The following MAPKAP1 variants were observed in gnomAD, a reference collection of about 807,000 sequenced individuals.
MAPKAP1 encodes target of rapamycin complex 2 subunit MAPKAP1.
Under a neutral mutation model 65.7 loss-of-function variants are expected in MAPKAP1, and 20 were observed. The observed-to-expected ratio is 0.30, with a 90% CI of 0.21 to 0.44. The LOEUF (loss-of-function observed/expected upper bound fraction) is 0.44. Ranked by LOEUF, MAPKAP1 falls within the 20% of genes least tolerant of loss-of-function variation. The pLI is 1.00. For synonymous variants in MAPKAP1, 222 were observed against 244.3 expected (o/e 0.91, Z 0.85); for missense variants, 423 against 648.0 (o/e 0.65, Z 3.77).
chr9:125,581,026 G>A (rs1308794957), intron 5 of MAPKAP1, among the ~76,000 whole-genome samples: 1 of 152,238 alleles, frequency 6.6e-6, no homozygotes, highest in Non-Finnish European at 1.5e-5. Context: ...GTCACTGCAT[G>A]TATGAAAACG....
chr9:125,671,719 T>G (rs16928396), intron 2 of MAPKAP1, among the ~76,000 whole-genome samples: 3,969 of 152,240 alleles, frequency 0.026, 179 homozygotes, highest in African/African-American at 0.091. Flanking sequence ...TTGAGTGTTT[T>G]CAAGCCAGAA....
intron 4 of MAPKAP1, chr9:125,650,485 C>A (rs2131735147): frequency 6.6e-6 from 1 of 152,380 alleles, no homozygotes; most frequent in African/African-American, 2.4e-5. Context: ...CCTTCTGTTC[C>A]TTTCTCCTCC....
chr9:125,609,993 A>G (rs1320466610), intron 4 of MAPKAP1, among the ~76,000 whole-genome samples: 1 of 152,230 alleles, frequency 6.6e-6, no homozygotes, highest in Non-Finnish European at 1.5e-5. Flanking sequence ...AGCCAGTAAG[A>G]TAACTCAGAT....
intron 5 of MAPKAP1, among the ~76,000 whole-genome samples, chr9:125,570,471 T>A (rs1160320511): frequency 6.6e-6 from 1 of 152,226 alleles, no homozygotes; most frequent in African/African-American, 2.4e-5. Flanking sequence ...GAGTCAGACC[T>A]TATCTGCACT....
At chr9:125,559,556 A>T in intron 6 of MAPKAP1, 77 bp downstream of exon 6, 1 of 1,432,016 alleles carries the variant, frequency 7.0e-7, no homozygotes, top group Non-Finnish European at 9.5e-7. Context: ...TTATTTGATG[A>T]ACAAAACCAA....
chr9:125,569,830 T>A (rs928902573), intron 5 of MAPKAP1, among the ~76,000 whole-genome samples: 2 of 152,262 alleles, frequency 1.3e-5, no homozygotes, highest in African/African-American at 4.8e-5. Flanking sequence ...AATGCTTATA[T>A]AAAAGAGCTC....
chr9:125,693,742 T>C (rs1475608580), intron 1 of MAPKAP1, among the ~76,000 whole-genome samples: 1 of 126,492 alleles, frequency 7.9e-6, no homozygotes, highest in Non-Finnish European at 1.5e-5. Context: ...TATATACACG[T>C]ATATATACAC....
At chr9:125,702,262 CAGTGGCTCACGCCTGT>C (rs1483936057) in intron 1 of MAPKAP1, among the ~76,000 whole-genome samples, 1 of 152,138 alleles carries the variant, frequency 6.6e-6, no homozygotes, top group Non-Finnish European at 1.5e-5. Flanking sequence ...AGGCCGGGCG[CAGTGGCTCACGCCTGT>C]AGTCCCAGCA....
intron 6 of MAPKAP1, among the ~76,000 whole-genome samples, chr9:125,547,560 T>A (rs929255710): frequency 1.3e-5 from 2 of 152,124 alleles, no homozygotes; most frequent in African/African-American, 4.8e-5. Flanking sequence ...CGACGTTAGT[T>A]CTCTTTTGTT....
At chr9:125,498,931 T>G (rs530382129) in intron 8 of MAPKAP1, among the ~76,000 whole-genome samples, 2 of 152,236 alleles carry the variant, frequency 1.3e-5, no homozygotes, top group Non-Finnish European at 2.9e-5. Context: ...GTGCCCCATC[T>G]GCTCTACCAG....
At position 125,620,482 on chromosome 9, in the gene MAPKAP1, T is replaced by C. The variant is rs144779074; in HGVS notation, c.499-34755A>G. 4.3e-3 allele frequency among the ~76,000 whole-genome samples: 662 copies of C among 152,302 alleles called. 6 individuals carry two copies. Among genetic ancestry groups the C allele is most frequent in the African/African-American group, 0.015 (620 of 41,552 alleles). On this transcript the variant is annotated intron_variant, in intron 4 of 11. Coordinates refer to ENST00000265960, the MANE Select transcript of MAPKAP1 (RefSeq NM_001006617.3). ...ACAAAAATTACAAATGCATATTCCC[T>C]TTGACCCAGCAATTCTGCTTGAAAT...
intron 10 of MAPKAP1, among the ~76,000 whole-genome samples, chr9:125,451,286 A>AC: frequency 1.3e-5 from 2 of 152,180 alleles, no homozygotes; most frequent in Non-Finnish European, 2.9e-5. Context: ...CCCTGGAGGC[A>AC]CGGTCACCTG....
At chr9:125,639,010 G>A (rs913391745) in intron 4 of MAPKAP1, among the ~76,000 whole-genome samples, 5 of 152,066 alleles carry the variant, frequency 3.3e-5, no homozygotes, top group Non-Finnish European at 7.4e-5. Flanking sequence ...AGGCTGAGAC[G>A]GGCGGACCAC....
chr9:125,444,522 G>A lies in MAPKAP1; in HGVS notation c.1422C>T (p.Thr474=), dbSNP rs955561828. ...TCACCTTGAGCACAATTTCATTGAC[G>A]GTAGCAGCGTCCGATTCAAAGTAGA... is the stretch of plus-strand genomic sequence containing the variant. ...KHLYFESDAA[T]VNEIVLKVNY... The change falls in exon 11 of 12, where the codon ACC becomes ACT. Residue 474 remains threonine, a synonymous_variant. Coordinates refer to ENST00000265960, the MANE Select transcript of MAPKAP1 (RefSeq NM_001006617.3). The A allele has an allele frequency of 2.6e-5, 42 of 1,613,092 alleles. No individual in the cohort carries two copies. The highest frequency in any genetic ancestry group is 3.3e-5 in the South Asian group (3 of 91,002).
intron 1 of MAPKAP1, among the ~76,000 whole-genome samples, chr9:125,677,937 G>C (rs1295084267): frequency 6.6e-6 from 1 of 151,806 alleles, no homozygotes; most frequent in Non-Finnish European, 1.5e-5. Flanking sequence ...TTCTTTTTGA[G>C]ACAAGGTCTC....
Position 125,438,472 on chromosome 9 carries a change from TAA to T in MAPKAP1, c.*413_*414del, listed in dbSNP as rs964282934. The T allele has an allele frequency of 1.2e-5, 5 of 402,488 alleles. No homozygotes were observed. The highest frequency in any genetic ancestry group is 1.2e-4 in the South Asian group (1 of 8,200). The allele number at this position is 402,488 out of a possible 1,614,324, so 24.9% of individuals were successfully genotyped here. ...GAATGGTCCATCATACCAACCATGA[TAA>T]AGAGTACACCTGTTTATTAAAAGGA... On this transcript the variant is annotated 3_prime_UTR_variant, in exon 12 of 12. Transcript: ENST00000265960.
At chr9:125,576,288 T>C (rs980513368) in intron 5 of MAPKAP1, among the ~76,000 whole-genome samples, 1 of 152,236 alleles carries the variant, frequency 6.6e-6, no homozygotes, top group Admixed American at 6.5e-5. Flanking sequence ...CTGCTGGCTT[T>C]TGTTAATAAT....
At position 125,669,933 on chromosome 9, in the gene MAPKAP1, A is replaced by C. The variant is rs776784745; in HGVS notation, c.260-26T>G. 1.8e-5 allele frequency: 25 copies of C among 1,373,186 alleles called. No homozygotes were observed. The South Asian group carries it at 3.3e-4, about 18-fold the overall frequency. 85.1% of individuals were successfully genotyped at this position (1,373,186 alleles called of 1,614,324 possible). The stretch of plus-strand genomic sequence containing the variant: ...CTTGAAAAGAAATATTATAACTGTA[A>C]GTTTGTCAATGAAAGTTTACCATAA... On this transcript the variant is annotated intron_variant, in intron 2 of 11. Transcript: ENST00000265960.
intron 7 of MAPKAP1, among the ~76,000 whole-genome samples, chr9:125,536,389 A>G (rs1830073221): frequency 6.6e-6 from 1 of 152,132 alleles, no homozygotes; most frequent in Non-Finnish European, 1.5e-5. Flanking sequence ...ACATTTAAAC[A>G]CTTTAGCAGC....
Sources: gnomAD v4.1 joint callset for allele counts (sites outside exome capture counted in the v4.1 genomes callset) on GRCh38, gnomAD v4.1.1 for gene constraint, MANE v1.5 for transcripts, NCBI Gene and HGNC (gene_info 2026-07-23, HGNC 2026-07-21) for gene names.